The following MYBPC1 variants were observed in gnomAD, a reference collection of about 807,000 sequenced individuals.
The protein encoded by MYBPC1 is myosin-binding protein C, slow-type.
MYBPC1 carries 52 observed loss-of-function variants against 147.1 expected under a neutral mutation model. The ratio of observed to expected loss-of-function variants is 0.35; its 90% CI spans 0.28 to 0.45. The LOEUF (loss-of-function observed/expected upper bound fraction) is 0.45, where lower values mean the gene tolerates loss of function less well. MYBPC1 is among the 20% of genes least tolerant of loss of function. The pLI, the probability that MYBPC1 is intolerant of heterozygous loss-of-function variation, is 1.00. For missense variants in MYBPC1, 1,228 were observed against 1,440.3 expected (o/e 0.85, Z 2.39); for synonymous variants, 477 against 475.9 (o/e 1.00, Z -0.03).
At chr12:101,680,249 C>G (rs1344565417) in intron 28 of MYBPC1, 94 bp from the exon 29 acceptor site, 2 of 1,226,754 alleles carry the variant, frequency 1.6e-6, no homozygotes, top group Non-Finnish European at 2.3e-6. Flanking sequence ...TCTTTTTAAG[C>G]CATGCTTTAA....
intron 10 of MYBPC1, among the ~76,000 whole-genome samples, chr12:101,641,133 AAG>A (rs1891945003): frequency 6.6e-6 from 1 of 151,558 alleles, no homozygotes; most frequent in African/African-American, 2.4e-5. Flanking sequence ...AAAAAAAAAA[AAG>A]AAGGCACTCT....
At chr12:101,621,534 CT>C (rs1185925810) in intron 3 of MYBPC1, among the ~76,000 whole-genome samples, 2 of 152,130 alleles carry the variant, frequency 1.3e-5, no homozygotes, top group Non-Finnish European at 2.9e-5. Flanking sequence ...CCAGTATGTA[CT>C]ACAACTGATT....
chr12:101,654,121 T>C (rs1527395), intron 18 of MYBPC1, among the ~76,000 whole-genome samples: 100,328 of 152,022 alleles, frequency 0.66, 34,337 homozygotes, highest in Admixed American at 0.79. Flanking sequence ...GCACAAGAAT[T>C]GCTGGAACCC....
chr12:101,623,695 T>A (rs952029526), intron 3 of MYBPC1, among the ~76,000 whole-genome samples: 3 of 152,232 alleles, frequency 2.0e-5, no homozygotes, highest in Non-Finnish European at 2.9e-5. Context: ...TTTCTGTTAA[T>A]TTTTACAGGA....
At chr12:101,663,260 T>A (rs1896882649) in intron 21 of MYBPC1, among the ~76,000 whole-genome samples, 166 bp from the exon 22 acceptor site, 1 of 152,218 alleles carries the variant, frequency 6.6e-6, no homozygotes, top group African/African-American at 2.4e-5. Flanking sequence ...ATTGATCAGC[T>A]CTTTGCCTTA....
At chr12:101,609,510 T>A (rs1883496338) in intron 1 of MYBPC1, among the ~76,000 whole-genome samples, 1 of 152,038 alleles carries the variant, frequency 6.6e-6, no homozygotes, top group Non-Finnish European at 1.5e-5. Flanking sequence ...CTCAAACACC[T>A]GGGCTCAAGC....
intron 18 of MYBPC1, among the ~76,000 whole-genome samples, chr12:101,653,892 AG>A (rs66515443): frequency 0.79 from 118,440 of 149,234 alleles, 47,533 homozygotes; most frequent in Non-Finnish European, 0.87. Flanking sequence ...AAGCAAAAAA[AG>A]AAAAATTACA....
rs1896726434 is a variant in MYBPC1 at position 101,662,428 on chromosome 12, A to G, written c.2103A>G (p.Glu701=). The part of the protein sequence containing the change: ...WMRLNFDLCK[E]TTFEPKKMIE... ...GGCTGAATTTTGATCTCTGCAAAGA[A>G]ACAACTTTTGAGCCCAAGAAGATGA... The change falls in exon 21 of 32, where the codon GAA becomes GAG. Residue 701 remains glutamate (E), a synonymous_variant. Transcript: ENST00000361466. 14 of 1,614,252 alleles carry G rather than the reference A, an allele frequency of 8.7e-6. No individual in the cohort carries two copies. The highest frequency in any genetic ancestry group is 1.2e-5 in the Non-Finnish European group (14 of 1,180,042).
At chr12:101,688,964 A>AG (rs1383966520), downstream of MYBPC1, among the ~76,000 whole-genome samples, 2 of 128,742 alleles carry the variant, frequency 1.6e-5, no homozygotes, top group African/African-American at 5.4e-5. Context: ...AAAAAAAAAA[A>AG]AAAAGAAAAA....
chr12:101,614,753 A>G (rs1473306304), intron 2 of MYBPC1: 1 of 595,340 alleles, frequency 1.7e-6, no homozygotes, highest in East Asian at 2.8e-5. Context: ...CTTCATATAT[A>G]TTAGGGGGAC....
At chr12:101,684,005 T>A (rs1951194098) in intron 30 of MYBPC1, among the ~76,000 whole-genome samples, 1 of 152,164 alleles carries the variant, frequency 6.6e-6, no homozygotes, top group Admixed American at 6.5e-5. Context: ...ATTGTCTATG[T>A]TTTTCTTTTG....
intron 3 of MYBPC1, among the ~76,000 whole-genome samples, chr12:101,625,409 A>G (rs1565914066): frequency 6.6e-6 from 1 of 152,206 alleles, no homozygotes; most frequent in Non-Finnish European, 1.5e-5. Flanking sequence ...GCGCATTTAT[A>G]CCTTGCGTAA....
At chr12:101,644,303 C>G (rs1177432455) in intron 11 of MYBPC1, among the ~76,000 whole-genome samples, 1 of 152,214 alleles carries the variant, frequency 6.6e-6, no homozygotes, top group Non-Finnish European at 1.5e-5. Flanking sequence ...TCCCAAAGTG[C>G]TGGGATTACA....
At chr12:101,646,702 A>G (rs1893227205) in intron 12 of MYBPC1, 61 bp from the exon 13 acceptor site, 8 of 1,589,164 alleles carry the variant, frequency 5.0e-6, no homozygotes, top group African/African-American at 1.3e-5. Flanking sequence ...TTTGCTGGCA[A>G]TAAAGAAAAG....
chr12:101,681,476 T>G (rs973154962), intron 29 of MYBPC1, among the ~76,000 whole-genome samples: 3 of 145,224 alleles, frequency 2.1e-5, no homozygotes, highest in Non-Finnish European at 4.5e-5. Flanking sequence ...GCTTGGGTAT[T>G]TATGTTTTTT....
chr12:101,678,225 G>A lies in MYBPC1; in HGVS notation c.3233G>A (p.Arg1078Lys). The A allele has an allele frequency of 6.2e-7, 1 of 1,614,156 alleles. No individual in the cohort carries two copies. The highest frequency in any genetic ancestry group is 2.2e-5 in the East Asian group (1 of 44,872). ...AATGCCACCCTAAACTGCAGTGTGA[G>A]AGGAAATCCTAAGGTACCATGTTCT... ...GYNATLNCSVRGNPKPKITWM... is the reference protein window; with the variant it reads ...GYNATLNCSVKGNPKPKITWM... Residue 1078 changes from arginine (R) to lysine (K), a missense_variant, in exon 28 of 32, where the codon AGA becomes AAA. Coordinates refer to ENST00000361466, the MANE Select transcript of MYBPC1 (RefSeq NM_002465.4).
chr12:101,626,151 G>A (rs1888565740), intron 3 of MYBPC1, among the ~76,000 whole-genome samples: 1 of 149,576 alleles, frequency 6.7e-6, no homozygotes, highest in Non-Finnish European at 1.5e-5. Context: ...AATTAGGTAG[G>A]CTGACTAAAT....
At chr12:101,661,073 C>T (rs1449408005) in intron 19 of MYBPC1, 85 bp from the exon 20 acceptor site, 1 of 813,598 alleles carries the variant, frequency 1.2e-6, no homozygotes, top group African/African-American at 1.7e-5. Flanking sequence ...CAATGATTAT[C>T]ACCAAGAAAC....
chr12:101,661,987 A>G (rs1369319371), intron 20 of MYBPC1, among the ~76,000 whole-genome samples: 2 of 151,792 alleles, frequency 1.3e-5, no homozygotes, highest in African/African-American at 4.8e-5. Flanking sequence ...CTCTTTGCTA[A>G]TAATGAGACT....
Sources: allele counts gnomAD v4.1 joint callset (sites outside exome capture counted in the v4.1 genomes callset), GRCh38; gene constraint gnomAD v4.1.1; transcripts MANE v1.5; gene names NCBI Gene and HGNC (gene_info 2026-07-23, HGNC 2026-07-21).